The following IQGAP2 variants were observed in gnomAD, a reference collection of about 807,000 sequenced individuals.
IQGAP2 encodes IQ motif containing GTPase activating protein 2.
A neutral mutation model predicts 201.3 loss-of-function variants in IQGAP2; 173 were observed. That is an observed-to-expected ratio of 0.86 (90% CI 0.76 to 0.98). IQGAP2 has a LOEUF of 0.98. IQGAP2 is among the 50% of genes least tolerant of loss of function. The pLI is 0.00. For synonymous variants in IQGAP2, 675 were observed against 673.9 expected, an observed-to-expected ratio of 1.00 and a Z score of -0.03; for missense variants, 1,687 against 1,864.8, an observed-to-expected ratio of 0.90 and a Z score of 1.76.
intron 1 of IQGAP2, among the ~76,000 whole-genome samples, chr5:76,447,441 G>A (rs1753459737): frequency 6.6e-6 from 1 of 152,158 alleles, no homozygotes; most frequent in Non-Finnish European, 1.5e-5. Context: ...CCCATTTTAT[G>A]GGAGCTCTGT....
chr5:76,434,308 T>C (rs1752535188), intron 1 of IQGAP2, among the ~76,000 whole-genome samples: 4 of 152,190 alleles, frequency 2.6e-5, no homozygotes, highest in Admixed American at 2.6e-4. Context: ...GTGTACATTG[T>C]GCCCGATACA....
In IQGAP2 at chr5:76,406,709, CAA is replaced by C. The variant is rs1275345101; in HGVS notation, c.46+3121_46+3122del. ...TGAGAGTTAAAAACACCAGCAAGAG[CAA>C]AAGAGGGGTTTGTGACTAGGCAGAT... On this transcript the variant is annotated intron_variant, in intron 1 of 35. Coordinates refer to ENST00000274364, the MANE Select transcript of IQGAP2 (RefSeq NM_006633.5). Among the ~76,000 whole-genome samples the C allele has an allele frequency of 3.9e-5, 6 of 152,182 alleles. No homozygotes were observed. In the South Asian group the frequency reaches 1.0e-3, roughly 26 times the overall value.
chr5:76,569,130 T>TG (rs1744939455), intron 3 of IQGAP2, among the ~76,000 whole-genome samples: 1 of 152,226 alleles, frequency 6.6e-6, no homozygotes, highest in African/African-American at 2.4e-5. Context: ...AGTTAATTTT[T>TG]GCCTTCCAAA....
At chr5:76,559,273 G>A (rs114494926) in intron 2 of IQGAP2, among the ~76,000 whole-genome samples, 1,540 of 152,276 alleles carry the variant, frequency 0.01, 40 homozygotes, top group African/African-American at 0.036. Context: ...TCTTTCGGTT[G>A]TCTTCCTTCC....
chr5:76,465,494 CT>C (rs1396726887), intron 2 of IQGAP2, among the ~76,000 whole-genome samples: 1 of 152,190 alleles, frequency 6.6e-6, no homozygotes, highest in Non-Finnish European at 1.5e-5. Flanking sequence ...TTTCTTACCA[CT>C]TCTGTTTAAC....
intron 2 of IQGAP2, among the ~76,000 whole-genome samples, chr5:76,512,473 C>T (rs750755066): frequency 6.6e-6 from 1 of 152,128 alleles, no homozygotes; most frequent in Non-Finnish European, 1.5e-5. Context: ...CTTTTAATTG[C>T]TTTCTCTATT....
Position 76,702,544 on chromosome 5 carries a change from C to A in IQGAP2, c.4568C>A (p.Ser1523Ter). 6.2e-7 allele frequency: 1 copy of A among 1,600,766 alleles called. No homozygotes were observed. Among genetic ancestry groups the A allele is most frequent in the South Asian group, 1.1e-5 (1 of 90,738 alleles). The change falls in exon 35 of 36, where the codon TCA (serine) becomes TAA (stop). Residue 1523 changes from serine to a stop codon, truncating the protein, a stop_gained. Transcript: ENST00000274364. LOFTEE classifies it high-confidence loss of function. ...TEDVGIFDVR[S>*]KFLGVEMEKV... is the part of the protein sequence containing the mutation. The stretch of plus-strand genomic sequence containing the variant: ...GATGTAGGCATTTTCGATGTAAGAT[C>A]AAAATTCCTTGGTGTTGAGATGGAA...
intron 2 of IQGAP2, among the ~76,000 whole-genome samples, chr5:76,464,540 AT>A (rs1426745978): frequency 2.0e-5 from 3 of 152,210 alleles, no homozygotes. Flanking sequence ...TTAATTAAAA[AT>A]GTATTGGTTC....
At chr5:76,587,303 C>G (rs1392415483) in intron 5 of IQGAP2, among the ~76,000 whole-genome samples, 1 of 152,164 alleles carries the variant, frequency 6.6e-6, no homozygotes, top group Non-Finnish European at 1.5e-5. Flanking sequence ...TGTACCCTTT[C>G]AAGCTGGCAA....
intron 30 of IQGAP2, among the ~76,000 whole-genome samples, chr5:76,686,667 G>A (rs1745790719): frequency 6.6e-6 from 1 of 152,018 alleles, no homozygotes; most frequent in African/African-American, 2.4e-5. Context: ...CTGCCACCAT[G>A]CCCAGCTAAT....
At chr5:76,603,674 C>T (rs1045120099) in intron 11 of IQGAP2, among the ~76,000 whole-genome samples, 1 of 152,174 alleles carries the variant, frequency 6.6e-6, no homozygotes, top group South Asian at 2.1e-4. Context: ...ATAAAGGCTG[C>T]ACCTTTTTCC....
intron 4 of IQGAP2, among the ~76,000 whole-genome samples, chr5:76,571,098 TAAA>T (rs200735086): frequency 1.1e-4 from 15 of 132,658 alleles, no homozygotes; most frequent in East Asian, 4.1e-4. Flanking sequence ...CTGTCTCTAT[TAAA>T]AAAAAAAAAA....
At chr5:76,438,008 GTTTTTTTTTTTT>G (rs768892670) in intron 1 of IQGAP2, among the ~76,000 whole-genome samples, 32 of 91,048 alleles carry the variant, frequency 3.5e-4, no homozygotes, top group Non-Finnish European at 6.1e-4. Flanking sequence ...TTGGTCTGTA[GTTTTTTTTTTTT>G]TTTTTTTTTT....
chr5:76,543,913 T>C (rs892164256), intron 2 of IQGAP2, among the ~76,000 whole-genome samples: 2 of 152,234 alleles, frequency 1.3e-5, no homozygotes, highest in Admixed American at 6.5e-5. Context: ...CTGATGTCTA[T>C]GTCAATACAG....
chr5:76,603,006 GT>G (rs1404563632), intron 11 of IQGAP2, among the ~76,000 whole-genome samples: 1 of 152,172 alleles, frequency 6.6e-6, no homozygotes, highest in Non-Finnish European at 1.5e-5. Flanking sequence ...CAGATTAACT[GT>G]TCTAAAATGT....
chr5:76,665,017 T>G lies in IQGAP2; in HGVS notation c.2530-9T>G. On this transcript the variant is annotated splice_polypyrimidine_tract_variant and intron_variant, in intron 21 of 35. Coordinates refer to ENST00000274364, the MANE Select transcript of IQGAP2 (RefSeq NM_006633.5). ...TTAAAAAGGAGTAATCTCATCAAATTTTTTACAGGATGTAATTTCACATAG... is the reference window on the plus strand; with the variant it reads ...TTAAAAAGGAGTAATCTCATCAAATGTTTTACAGGATGTAATTTCACATAG... 1 of 1,484,980 alleles carries G rather than the reference T, an allele frequency of 6.7e-7. No individual in the cohort carries two copies. The highest frequency in any genetic ancestry group is 1.2e-5 in the South Asian group (1 of 86,200). The allele number at this position is 1,484,980 out of a possible 1,614,324, so 92.0% of individuals were successfully genotyped here.
intron 8 of IQGAP2, among the ~76,000 whole-genome samples, chr5:76,591,686 C>G (rs1270886470): frequency 6.6e-6 from 1 of 152,184 alleles, no homozygotes; most frequent in African/African-American, 2.4e-5. Flanking sequence ...CCTTCTCCCT[C>G]TCAGTATGGG....
At chr5:76,408,160 C>CAA (rs35042633) in intron 1 of IQGAP2, among the ~76,000 whole-genome samples, 3 of 151,462 alleles carry the variant, frequency 2.0e-5, no homozygotes, top group South Asian at 2.1e-4. Context: ...GACTCTGTCT[C>CAA]AAAAAAAACA....
At chr5:76,520,856 C>T (rs1287471900) in intron 2 of IQGAP2, among the ~76,000 whole-genome samples, 7 of 152,070 alleles carry the variant, frequency 4.6e-5, no homozygotes, top group East Asian at 1.9e-4. Context: ...TACAGGCACA[C>T]GCCACCATGC....
Sources: allele counts gnomAD v4.1 joint callset (sites outside exome capture counted in the v4.1 genomes callset), GRCh38; gene constraint gnomAD v4.1.1; transcripts MANE v1.5; gene names NCBI Gene and HGNC (gene_info 2026-07-23, HGNC 2026-07-21).